The following ZNF581 variants were observed in gnomAD, a reference collection of about 807,000 sequenced individuals.
ZNF581 encodes zinc finger protein 581.
A neutral mutation model predicts 1.2 loss-of-function variants in ZNF581; 1 was observed. The ratio of observed to expected loss-of-function variants is 0.83; its 90% CI spans 0.30 to 3.95. ZNF581 has a LOEUF of 3.95. ZNF581 is among the 30% of genes most tolerant of loss of function. The probability of loss-of-function intolerance (pLI) is 0.18; values close to 1 mark genes in which losing one functional copy is unlikely to be tolerated. For missense variants in ZNF581, 273 were observed against 274.6 expected, an observed-to-expected ratio of 0.99 and a Z score of 0.04; for synonymous variants, 105 against 109.2, an observed-to-expected ratio of 0.96 and a Z score of 0.24.
In ZNF581 at chr19:55,644,612, T is replaced by C. The variant is rs1189324547; in HGVS notation, c.41T>C (p.Phe14Ser). 2 of 1,607,742 alleles carry C rather than the reference T, an allele frequency of 1.2e-6. No homozygotes were observed. The highest frequency in any genetic ancestry group is 1.7e-6 in the Non-Finnish European group (2 of 1,177,130). The change falls in exon 2 of 2, where the codon TTT (phenylalanine) becomes TCT (serine). Residue 14 changes from phenylalanine to serine, a missense_variant. Transcript: ENST00000270451. The surrounding 1 kb of genome is among the most constrained non-coding windows in gnomAD (Gnocchi z 4.3). Reference protein sequence around the residue: ...LPSPCPQPLAFSSVETMEGPP... With the variant: ...LPSPCPQPLASSSVETMEGPP... ...TCCCCCTGCCCTCAGCCTCTGGCAT[T>C]TTCCTCCGTTGAGACCATGGAGGGC... is the stretch of plus-strand genomic sequence containing the variant.
chr19:55,645,035 G>A lies in ZNF581; in HGVS notation c.464G>A (p.Arg155Gln), dbSNP rs561056962. The A allele has an allele frequency of 5.7e-6, 9 of 1,588,686 alleles. No homozygotes were observed. The East Asian group carries it at 9.0e-5, about 16-fold the overall frequency. Reference protein sequence around the residue: ...HGCPLCPRRFRDAGELAQHSR... With the variant: ...HGCPLCPRRFQDAGELAQHSR... ...TGCCCGCTCTGCCCTCGCCGCTTCC[G>A]GGATGCGGGTGAGCTGGCCCAGCAC... Residue 155 changes from arginine (R) to glutamine (Q), a missense_variant, in exon 2 of 2, where the codon CGG (arginine) becomes CAG (glutamine). By Grantham distance (43) the Arg-to-Gln change is conservative. Transcript: ENST00000270451.
chr19:55,643,627 C>G (rs1002134977), upstream of ZNF581: 3 of 152,410 alleles, frequency 2.0e-5, no homozygotes, highest in African/African-American at 7.2e-5. Context: ...TCCCTAGACC[C>G]TCTTCTCTCC....
Position 55,645,315 on chromosome 19 carries a change from G to T in ZNF581, c.*150G>T. The stretch of plus-strand genomic sequence containing the variant: ...TCTCAAAGGCAGAGCCCTGCCTGAA[G>T]GAGGAATCCGTGAGTAATCTTCAGG... On this transcript the variant is annotated 3_prime_UTR_variant, in exon 2 of 2. Coordinates refer to ENST00000270451, the MANE Select transcript of ZNF581 (RefSeq NM_016535.4). 1 of 627,636 alleles carries T rather than the reference G, an allele frequency of 1.6e-6. No individual in the cohort carries two copies. Among genetic ancestry groups the T allele is most frequent in the Non-Finnish European group, 2.6e-6 (1 of 387,696 alleles). The allele number at this position is 627,636 out of a possible 1,614,324, so 38.9% of individuals were successfully genotyped here.
At chr19:55,638,247 G>C (rs1982213320), upstream of ZNF581, among the ~76,000 whole-genome samples, 1 of 152,056 alleles carries the variant, frequency 6.6e-6, no homozygotes, top group African/African-American at 2.4e-5. Flanking sequence ...TTGTTTGTTT[G>C]TTTGTTTGTT....
upstream of ZNF581, chr19:55,640,065 G>A: frequency 3.2e-6 from 3 of 930,140 alleles, no homozygotes; most frequent in Non-Finnish European, 3.8e-6. Flanking sequence ...ATGTAGCTGT[G>A]GCACCCCAGG....
chr19:55,641,036 C>G (rs1982427978), upstream of ZNF581: 2 of 985,034 alleles, frequency 2.0e-6, no homozygotes, highest in South Asian at 4.7e-5. Flanking sequence ...CCCCTCGCAC[C>G]CCCGCGCCCC....
chr19:55,635,782 G>C lies in ZNF581; in HGVS notation c.-20+70G>C, dbSNP rs925712534. ...TGAGAGGCCTTTCATGGCAGGCTGA[G>C]GGGGTTATACTATAGGGAGGATTTT... On this transcript the variant is annotated intron_variant, in intron 1 of 1. Transcript: ENST00000587252. 3.2e-6 allele frequency: 3 copies of C among 931,638 alleles called. No homozygotes were observed. In the African/African-American group the frequency reaches 5.3e-5, roughly 17 times the overall value. 57.7% of individuals were successfully genotyped at this position (931,638 alleles called of 1,614,324 possible). A position where few individuals can be genotyped will look rare whatever the true frequency, so the allele number is the denominator to read the frequency against.
At chr19:55,642,576 CCCCCAAGGCTCCCCCTTT>C (rs751700812), upstream of ZNF581, 50 of 1,448,628 alleles carry the variant, frequency 3.5e-5, no homozygotes, top group African/African-American at 5.9e-5. Flanking sequence ...GACCCACCGC[CCCCCAAGGCTCCCCCTTT>C]CCCCAAGGCG....
In ZNF581 at chr19:55,644,775, C is replaced by G; in HGVS notation, c.204C>G (p.Asp68Glu). The G allele has an allele frequency of 6.2e-7, 1 of 1,613,852 alleles. No homozygotes were observed. Among genetic ancestry groups the G allele is most frequent in the South Asian group, 1.1e-5 (1 of 91,078 alleles). Residue 68 changes from aspartate to glutamate, a missense_variant, in exon 2 of 2, where the codon GAC becomes GAG. By Grantham distance (45) the Asp-to-Glu change is conservative (BLOSUM62 2). Transcript: ENST00000270451. This position sits in a 1 kb window ranked among gnomAD's most constrained non-coding sequence, Gnocchi z 4.3. ...TQGVPYTVLV[D>E]EESQREPGAS... ...GTGTCCCCTACACAGTGCTGGTGGA[C>G]GAGGAGTCACAGAGGGAGCCAGGGG...
chr19:55,639,644 T>C (rs1982319828), upstream of ZNF581, among the ~76,000 whole-genome samples: 1 of 152,108 alleles, frequency 6.6e-6, no homozygotes, highest in African/African-American at 2.4e-5. Context: ...TTTGAGACAG[T>C]CTCCCTCTGT....
rs1055056371 is a variant in ZNF581, at chr19:55,644,511, C to G, written c.-19-42C>G. The stretch of plus-strand genomic sequence containing the variant: ...GATGGAGCCTGTGGTGCTGAGCTGC[C>G]CTCTTCTATATAACCTTCTTATCCC... On this transcript the variant is annotated intron_variant, in intron 1 of 1. Coordinates refer to ENST00000270451, the MANE Select transcript of ZNF581 (RefSeq NM_016535.4). The surrounding 1 kb of genome is among the most constrained non-coding windows in gnomAD (Gnocchi z 4.3). The G allele has an allele frequency of 3.9e-6, 5 of 1,292,876 alleles. No homozygotes were observed. The highest frequency in any genetic ancestry group is 5.3e-6 in the Non-Finnish European group (5 of 949,864). 80.1% of individuals were successfully genotyped at this position (1,292,876 alleles called of 1,614,324 possible).
chr19:55,644,684 C>A lies in ZNF581; in HGVS notation c.113C>A (p.Ser38Tyr). 1 of 1,613,412 alleles carries A rather than the reference C, an allele frequency of 6.2e-7. No individual in the cohort carries two copies. Among genetic ancestry groups the A allele is most frequent in the Non-Finnish European group, 8.5e-7 (1 of 1,179,706 alleles). ...CRSPEPGPSS[S>Y]IGSPQASSPP... ...TCCCCAGAACCTGGACCTTCCTCCT[C>A]CATCGGATCTCCCCAGGCTTCATCT... The change falls in exon 2 of 2, where the codon TCC (serine) becomes TAC (tyrosine). Residue 38 changes from serine to tyrosine, a missense_variant. Transcript: ENST00000270451. The surrounding 1 kb of genome is among the most constrained non-coding windows in gnomAD (Gnocchi z 4.3).
rs1054832706 is a variant in ZNF581, at chr19:55,644,350, G to A, written c.-19-203G>A. Reference sequence around the variant, plus strand: ...AGTGTATGGTGGAGCACCGAGGCTAGGAGAGGTTTTCCAAGGAGGAAGACC... The same window carrying A: ...AGTGTATGGTGGAGCACCGAGGCTAAGAGAGGTTTTCCAAGGAGGAAGACC... On this transcript the variant is annotated intron_variant, in intron 1 of 1. Transcript: ENST00000270451. The surrounding 1 kb of genome is among the most constrained non-coding windows in gnomAD (Gnocchi z 4.3). 1.3e-5 allele frequency among the ~76,000 whole-genome samples: 2 copies of A among 152,164 alleles called. No individual in the cohort carries two copies. Among genetic ancestry groups the A allele is most frequent in the African/African-American group, 2.4e-5 (1 of 41,436 alleles).
upstream of ZNF581, chr19:55,642,883 C>T (rs1982612722): frequency 6.4e-7 from 1 of 1,563,576 alleles, no homozygotes. Flanking sequence ...GCGGCGCCTG[C>T]GGCAAGGCCT....
At chr19:55,636,528 A>T (rs532002229), upstream of ZNF581, among the ~76,000 whole-genome samples, 2 of 152,146 alleles carry the variant, frequency 1.3e-5, no homozygotes, top group Non-Finnish European at 2.9e-5. Flanking sequence ...TCATTCATGT[A>T]TTCATTCAAC....
upstream of ZNF581, chr19:55,642,314 T>C (rs1286943139): frequency 5.1e-5 from 64 of 1,260,656 alleles, no homozygotes; most frequent in Non-Finnish European, 6.3e-5. Flanking sequence ...GGAGGCCCTC[T>C]CCGAGGCAGC....
chr19:55,641,258 T>C (rs1982451137), upstream of ZNF581: 1 of 918,822 alleles, frequency 1.1e-6, no homozygotes, highest in South Asian at 5.0e-5. Flanking sequence ...GGGAGTGCGC[T>C]GGAGCCACCC....
At chr19:55,638,144 A>G (rs1982204988), upstream of ZNF581, among the ~76,000 whole-genome samples, 3 of 152,212 alleles carry the variant, frequency 2.0e-5, no homozygotes, top group Admixed American at 2.0e-4. Flanking sequence ...CGAGGGCTTC[A>G]GGAAGCTTAC....
chr19:55,645,010 T>C lies in ZNF581; in HGVS notation c.439T>C (p.Cys147Arg). 4 of 1,596,872 alleles carry C rather than the reference T, an allele frequency of 2.5e-6. No homozygotes were observed. Among genetic ancestry groups the C allele is most frequent in the Non-Finnish European group, 1.7e-6 (2 of 1,166,862 alleles). Residue 147 changes from cysteine to arginine, a missense_variant, in exon 2 of 2, where the codon TGC becomes CGC. Coordinates refer to ENST00000270451, the MANE Select transcript of ZNF581 (RefSeq NM_016535.4). Reference protein sequence around the residue: ...HLAGGGRPHGCPLCPRRFRDA... With the variant: ...HLAGGGRPHGRPLCPRRFRDA... The stretch of plus-strand genomic sequence containing the variant: ...GGCGGGTGGTGGGCGGCCCCACGGC[T>C]GCCCGCTCTGCCCTCGCCGCTTCCG...
Sources: allele counts gnomAD v4.1 joint callset (sites outside exome capture counted in the v4.1 genomes callset), GRCh38; gene constraint gnomAD v4.1.1; non-coding constraint Gnocchi (gnomAD v3.1); transcripts MANE v1.5; gene names NCBI Gene and HGNC (gene_info 2026-07-23, HGNC 2026-07-21).